Variants in SKIC3 observed in about 807,000 individuals in gnomAD.
SKIC3 encodes the protein superkiller complex protein 3.
chr5:95,503,604 A>G, the SKIC3 span, among the ~76,000 whole-genome samples: 20 of 152,318 alleles, frequency 1.3e-4, no homozygotes, highest in South Asian at 4.1e-4. Context: ...TACTCAGCTC[A>G]TAACACTACT....
the SKIC3 span, among the ~76,000 whole-genome samples, chr5:95,492,652 G>GAAAAAAAAAAAAAAAAAAAA: frequency 7.4e-4 from 36 of 48,836 alleles, 10 homozygotes; most frequent in Middle Eastern, 0.014. Flanking sequence ...AAAAAAAAAA[G>GAAAAAAAAAAAAAAAAAAAA]AAAAAAAAAA....
the SKIC3 span, among the ~76,000 whole-genome samples, chr5:95,499,592 G>GGTAA: frequency 1.6e-3 from 248 of 152,062 alleles, 2 homozygotes; most frequent in African/African-American, 5.8e-3. Context: ...TTCAGCTCCA[G>GGTAA]GTAAGTAATT....
the SKIC3 span, chr5:95,543,260 A>G: frequency 6.2e-7 from 1 of 1,614,102 alleles, no homozygotes; most frequent in South Asian, 1.1e-5. Flanking sequence ...AGGTTGTTCT[A>G]GTTCAGCTGC....
the SKIC3 span, among the ~76,000 whole-genome samples, chr5:95,495,685 G>T: frequency 6.6e-6 from 1 of 152,102 alleles, no homozygotes; most frequent in East Asian, 1.9e-4. Flanking sequence ...CTAAAAATAT[G>T]AAATAAAACC....
chr5:95,541,485 T>A, the SKIC3 span: 53 of 1,077,630 alleles, frequency 4.9e-5, no homozygotes, highest in Non-Finnish European at 7.0e-5. Flanking sequence ...AATAATAATT[T>A]CAGGTACTAT....
the SKIC3 span, among the ~76,000 whole-genome samples, chr5:95,475,565 T>C: frequency 0.16 from 23,684 of 152,180 alleles, 2,567 homozygotes; most frequent in African/African-American, 0.3. Flanking sequence ...TGTGGAACTA[T>C]GAGCCAATTA....
chr5:95,543,194 A>T, the SKIC3 span: 1 of 1,614,006 alleles, frequency 6.2e-7, no homozygotes, highest in East Asian at 2.2e-5. Flanking sequence ...CTGCCAAGCT[A>T]GTAATTGGTC....
chr5:95,488,212 T>A, the SKIC3 span, among the ~76,000 whole-genome samples: 29 of 152,184 alleles, frequency 1.9e-4, no homozygotes, highest in Non-Finnish European at 2.8e-4. Context: ...ATTTTCAGTG[T>A]CCTAGAAGGC....
At chr5:95,486,902 C>T in the SKIC3 span, among the ~76,000 whole-genome samples, 2 of 152,070 alleles carry the variant, frequency 1.3e-5, no homozygotes, top group Non-Finnish European at 2.9e-5. Context: ...AAGAACACAC[C>T]CACCTACCCA....
At chr5:95,547,724 A>G in the SKIC3 span, among the ~76,000 whole-genome samples, 3 of 152,040 alleles carry the variant, frequency 2.0e-5, no homozygotes, top group South Asian at 6.2e-4. Flanking sequence ...TCTCAATCCA[A>G]CTCTCCCACT....
the SKIC3 span, chr5:95,517,023 T>C: frequency 6.2e-7 from 1 of 1,613,722 alleles, no homozygotes; most frequent in East Asian, 2.2e-5. Flanking sequence ...CACCATGTAT[T>C]AGATGTAGAC....
At chr5:95,499,648 G>GTATA in the SKIC3 span, among the ~76,000 whole-genome samples, 1 of 151,912 alleles carries the variant, frequency 6.6e-6, no homozygotes, top group Non-Finnish European at 1.5e-5. Context: ...ATCTTAGAAG[G>GTATA]TATAAATAAT....
At chr5:95,545,854 T>C in the SKIC3 span, among the ~76,000 whole-genome samples, 2 of 152,280 alleles carry the variant, frequency 1.3e-5, no homozygotes, top group Admixed American at 1.3e-4. Context: ...TGATATCCCG[T>C]TGAACACTCT....
At chr5:95,547,665 G>A in the SKIC3 span, among the ~76,000 whole-genome samples, 1 of 151,662 alleles carries the variant, frequency 6.6e-6, no homozygotes, top group African/African-American at 2.4e-5. Context: ...TATATATTTT[G>A]GCTAAAATAC....
the SKIC3 span, among the ~76,000 whole-genome samples, chr5:95,544,105 T>A: frequency 2.0e-5 from 3 of 152,218 alleles, no homozygotes; most frequent in African/African-American, 7.2e-5. Flanking sequence ...ACACTCCTAA[T>A]AATCTGTCCC....
the SKIC3 span, among the ~76,000 whole-genome samples, chr5:95,535,084 T>C: frequency 4.6e-5 from 7 of 152,300 alleles, no homozygotes; most frequent in African/African-American, 1.7e-4. Context: ...TCCTCGTTCA[T>C]TCAAACCTAC....
chr5:95,485,039 G>A, the SKIC3 span, among the ~76,000 whole-genome samples: 5 of 152,226 alleles, frequency 3.3e-5, no homozygotes, highest in Admixed American at 6.5e-5. Context: ...AGGAGTATTT[G>A]TGGCTAAATA....
At chr5:95,493,796 T>C in the SKIC3 span, among the ~76,000 whole-genome samples, 4 of 151,644 alleles carry the variant, frequency 2.6e-5, no homozygotes, top group Middle Eastern at 3.4e-3. Flanking sequence ...ATACATTTAA[T>C]ACATTATTTC....
chr5:95,549,032 AG>A, the SKIC3 span, among the ~76,000 whole-genome samples: 2 of 152,200 alleles, frequency 1.3e-5, no homozygotes, highest in Middle Eastern at 3.4e-3. Flanking sequence ...CTAAATCAAG[AG>A]AAAGACTTAA....
Sources: gnomAD v4.1 joint callset for allele counts (sites outside exome capture counted in the v4.1 genomes callset) on GRCh38, gnomAD v4.1.1 for gene constraint, MANE v1.5 for transcripts, NCBI Gene and HGNC (gene_info 2026-07-23, HGNC 2026-07-21) for gene names.